Variants in SLMAP observed in about 807,000 individuals in gnomAD.
SLMAP encodes sarcolemmal membrane-associated protein.
In SLMAP, 44 loss-of-function variants were observed where a neutral mutation model predicts 128.8. The ratio of observed to expected loss-of-function variants is 0.34; its 90% confidence interval spans 0.27 to 0.44. The LOEUF (loss-of-function observed/expected upper bound fraction) is 0.44. Ranked by LOEUF, SLMAP falls within the 20% of genes least tolerant of loss-of-function variation. SLMAP has a pLI of 1.00. For missense variants in SLMAP, 787 were observed against 985.3 expected, an observed-to-expected ratio of 0.80 and a Z score of 2.69; for synonymous variants, 327 against 348.8, an observed-to-expected ratio of 0.94 and a Z score of 0.70.
intron 3 of SLMAP, among the ~76,000 whole-genome samples, chr3:57,838,799 C>T (rs1480825487): frequency 1.3e-5 from 2 of 152,100 alleles, no homozygotes; most frequent in African/African-American, 4.8e-5. Flanking sequence ...AGGTAAAGTG[C>T]TTGGAGATCG....
intron 10 of SLMAP, 73 bp downstream of exon 10, chr3:57,862,159 G>T: frequency 7.8e-7 from 1 of 1,290,256 alleles, no homozygotes; most frequent in Non-Finnish European, 1.1e-6. Flanking sequence ...AAGATTTTAG[G>T]TATTGCTTTA....
intron 8 of SLMAP, among the ~76,000 whole-genome samples, chr3:57,860,084 G>A (rs2094974710): frequency 1.3e-5 from 2 of 152,102 alleles, no homozygotes; most frequent in Admixed American, 1.3e-4. Flanking sequence ...GTCTTGCTAT[G>A]TTGCCCAGGC....
intron 13 of SLMAP, among the ~76,000 whole-genome samples, chr3:57,867,102 C>T (rs941116300): frequency 2.0e-5 from 3 of 152,174 alleles, no homozygotes; most frequent in Non-Finnish European, 4.4e-5. Flanking sequence ...TCACTTGAAC[C>T]TGGGAGGCAG....
intron 2 of SLMAP, among the ~76,000 whole-genome samples, chr3:57,803,572 T>A (rs2089109475): frequency 6.6e-6 from 1 of 152,228 alleles, no homozygotes; most frequent in Admixed American, 6.5e-5. Flanking sequence ...TTAAATGTTT[T>A]AGTACTGTAT....
chr3:57,893,170 C>G (rs1358778044), intron 15 of SLMAP, among the ~76,000 whole-genome samples: 2 of 151,926 alleles, frequency 1.3e-5, no homozygotes, highest in African/African-American at 4.8e-5. Context: ...AAAAAAATAC[C>G]TACTAGGTAC....
intron 3 of SLMAP, among the ~76,000 whole-genome samples, chr3:57,835,336 C>T (rs1349463688): frequency 6.6e-6 from 1 of 151,710 alleles, no homozygotes; most frequent in Non-Finnish European, 1.5e-5. Flanking sequence ...TTGCACTTGT[C>T]TCAGCTACTC....
chr3:57,781,584 G>A (rs1375444981), intron 2 of SLMAP, among the ~76,000 whole-genome samples: 1 of 152,188 alleles, frequency 6.6e-6, no homozygotes, highest in Non-Finnish European at 1.5e-5. Flanking sequence ...ATTAGTAGCT[G>A]CGGTTACCTG....
At chr3:57,828,427 A>G (rs1303374544) in intron 2 of SLMAP, among the ~76,000 whole-genome samples, 2 of 152,208 alleles carry the variant, frequency 1.3e-5, no homozygotes, top group Admixed American at 6.5e-5. Context: ...AATTATATAA[A>G]TGAAAATATT....
At chr3:57,806,718 G>T (rs1368324916) in intron 2 of SLMAP, among the ~76,000 whole-genome samples, 2 of 152,138 alleles carry the variant, frequency 1.3e-5, no homozygotes, top group East Asian at 3.9e-4. Context: ...GGGACCACAG[G>T]CATGAGCCAC....
chr3:57,829,494 C>T (rs967477826), intron 2 of SLMAP, among the ~76,000 whole-genome samples: 1 of 151,976 alleles, frequency 6.6e-6, no homozygotes, highest in African/African-American at 2.4e-5. Context: ...CTCTCTTATA[C>T]AATGTAACAT....
At chr3:57,896,151 A>T in intron 15 of SLMAP, 3 of 776,240 alleles carry the variant, frequency 3.9e-6, no homozygotes, top group Non-Finnish European at 4.7e-6. Context: ...TCCTTTAATC[A>T]TCTTTATACA....
At chr3:57,919,928 A>G (rs1312506621) in intron 22 of SLMAP, among the ~76,000 whole-genome samples, 1 of 152,170 alleles carries the variant, frequency 6.6e-6, no homozygotes, top group Admixed American at 6.5e-5. Context: ...TACTGGAGGT[A>G]AGCAACAGGA....
intron 8 of SLMAP, 134 bp from the exon 9 acceptor site, chr3:57,860,565 A>G: frequency 1.6e-6 from 1 of 629,858 alleles, no homozygotes; most frequent in Non-Finnish European, 2.4e-6. Context: ...TAGTTAATAC[A>G]GGGCCAGAAT....
chr3:57,915,568 A>G (rs2096792951), intron 21 of SLMAP, among the ~76,000 whole-genome samples: 1 of 152,194 alleles, frequency 6.6e-6, no homozygotes, highest in African/African-American at 2.4e-5. Flanking sequence ...ACCCCAAAGA[A>G]TCTGTGAAGT....
chr3:57,832,398 G>T (rs1297587208), intron 3 of SLMAP, among the ~76,000 whole-genome samples: 1 of 152,154 alleles, frequency 6.6e-6, no homozygotes, highest in Non-Finnish European at 1.5e-5. Flanking sequence ...CACAATTTTT[G>T]AAAGTTCTTT....
At chr3:57,858,563 A>C (rs2094898100) in intron 8 of SLMAP, among the ~76,000 whole-genome samples, 1 of 152,198 alleles carries the variant, frequency 6.6e-6, no homozygotes, top group Non-Finnish European at 1.5e-5. Context: ...TCTTCCACCA[A>C]GGGACAACAT....
At chr3:57,817,947 T>C (rs918774399) in intron 2 of SLMAP, among the ~76,000 whole-genome samples, 1 of 152,226 alleles carries the variant, frequency 6.6e-6, no homozygotes, top group Non-Finnish European at 1.5e-5. Context: ...GTCACTTGGT[T>C]TGTCAGCCTA....
rs1373005796 is a variant in SLMAP at position 57,860,858 on chromosome 3, A to T, written c.828+19A>T. The T allele has an allele frequency of 1.3e-6, 2 of 1,564,076 alleles. No homozygotes were observed. Among genetic ancestry groups the T allele is most frequent in the African/African-American group, 2.8e-5 (2 of 72,000 alleles). ...AGTTGAGGTATTTCAATCAAAAAAA[A>T]AATACTAAATAGTATTATGAGTGTT... is the stretch of plus-strand genomic sequence containing the variant. On this transcript the variant is annotated intron_variant, in intron 9 of 24. Coordinates refer to ENST00000671191, the MANE Select transcript of SLMAP (RefSeq NM_001377540.1).
At chr3:57,821,875 G>A (rs1418253991) in intron 2 of SLMAP, among the ~76,000 whole-genome samples, 1 of 151,702 alleles carries the variant, frequency 6.6e-6, no homozygotes, top group Non-Finnish European at 1.5e-5. Flanking sequence ...TTACCCTCTG[G>A]GGGCCTTAGC....
Sources: gnomAD v4.1 joint callset for allele counts (sites outside exome capture counted in the v4.1 genomes callset) on GRCh38, gnomAD v4.1.1 for gene constraint, MANE v1.5 for transcripts, NCBI Gene and HGNC (gene_info 2026-07-23, HGNC 2026-07-21) for gene names.